Variants in DNAJA2 observed in about 807,000 individuals in gnomAD.
The protein encoded by DNAJA2 is dnaJ homolog subfamily A member 2.
In DNAJA2, 6 loss-of-function variants were observed where a neutral mutation model predicts 49.3. That is an observed-to-expected ratio of 0.12 (90% CI 0.07 to 0.24). The LOEUF is 0.24. Among genes scored for constraint, DNAJA2 ranks in the 10% least tolerant of loss-of-function variants. The pLI, the probability that DNAJA2 is intolerant of heterozygous loss-of-function variation, is 1.00. For missense variants in DNAJA2, 347 were observed against 516.8 expected (o/e 0.67, Z 3.19); for synonymous variants, 160 against 172.7 (o/e 0.93, Z 0.58).
rs1323101169 is a variant in DNAJA2 at position 46,957,315 on chromosome 16, A to G, written c.1048-95T>C. ...TCCAGTGTCTGTTTAAGAGTTTAAAAAGGGGCTGGGTGTGGTGGTTCATGC... is the reference window on the plus strand; with the variant it reads ...TCCAGTGTCTGTTTAAGAGTTTAAAGAGGGGCTGGGTGTGGTGGTTCATGC... On this transcript the variant is annotated intron_variant, in intron 8 of 8. Transcript: ENST00000317089. 3 of 1,215,990 alleles carry G rather than the reference A, an allele frequency of 2.5e-6. No homozygotes were observed. In the Admixed American group the frequency reaches 6.8e-5, roughly 28 times the overall value. 75.3% of individuals were successfully genotyped at this position (1,215,990 alleles called of 1,614,324 possible).
intron 3 of DNAJA2, among the ~76,000 whole-genome samples, chr16:46,970,730 CAAAAAAAAAAAAA>C (rs10523905): frequency 1.1e-3 from 34 of 32,206 alleles, no homozygotes; most frequent in Admixed American, 6.8e-3. Flanking sequence ...GACTCCATTT[CAAAAAAAAAAAAA>C]AAAAAAAAAA....
rs1158966825 is a variant in DNAJA2 at position 46,971,420 on chromosome 16, G to A, written c.291C>T (p.Phe97=). The change falls in exon 3 of 9, where the codon TTC becomes TTT. Residue 97 remains phenylalanine (F), a synonymous_variant. Coordinates refer to ENST00000317089, the MANE Select transcript of DNAJA2 (RefSeq NM_005880.4). The part of the protein sequence containing the change: ...IFSHIFGGGL[F]GFMGNQSRSR... ...TTCTACTCTGATTGCCCATGAAGCC[G>A]AACAATCCCCCACCAAAAATGTGAG... 7 of 1,613,906 alleles carry A rather than the reference G, an allele frequency of 4.3e-6. No individual in the cohort carries two copies. Among genetic ancestry groups the A allele is most frequent in the East Asian group, 4.5e-5 (2 of 44,882 alleles).
At chr16:46,971,249 T>C (rs1049173037) in intron 3 of DNAJA2, 100 bp downstream of exon 3, 3 of 973,916 alleles carry the variant, frequency 3.1e-6, no homozygotes, top group Admixed American at 6.2e-5. Flanking sequence ...GTTTTTCTAA[T>C]GAAGGACAGA....
intron 6 of DNAJA2, among the ~76,000 whole-genome samples, chr16:46,961,200 C>G (rs748723047): frequency 6.6e-6 from 1 of 151,770 alleles, no homozygotes; most frequent in Middle Eastern, 3.4e-3. Flanking sequence ...GTCATCATGG[C>G]GAAATTCTGT....
At chr16:46,957,997 C>T (rs1961840097) in intron 8 of DNAJA2, among the ~76,000 whole-genome samples, 1 of 152,116 alleles carries the variant, frequency 6.6e-6, no homozygotes, top group African/African-American at 2.4e-5. Context: ...GGAAAGCCTA[C>T]CAATCACACA....
At chr16:46,963,637 T>G (rs946173262) in intron 6 of DNAJA2, among the ~76,000 whole-genome samples, 1 of 151,872 alleles carries the variant, frequency 6.6e-6, no homozygotes, top group South Asian at 2.1e-4. Flanking sequence ...GGGGCGAAGG[T>G]TGCAGTGATC....
chr16:46,964,509 A>G, intron 6 of DNAJA2, 102 bp downstream of exon 6: 1 of 1,111,354 alleles, frequency 9.0e-7, no homozygotes, highest in Admixed American at 2.7e-5. Context: ...ACCAGTGTTC[A>G]GTGTTGCTCC....
intron 7 of DNAJA2, 41 bp downstream of exon 7, chr16:46,959,234 A>G: frequency 1.3e-6 from 2 of 1,581,958 alleles, no homozygotes; most frequent in Non-Finnish European, 1.7e-6. Flanking sequence ...ATTTTTTTCA[A>G]AAATACTTGA....
In DNAJA2 at chr16:46,956,993, G is replaced by T; in HGVS notation, c.*36C>A. The stretch of plus-strand genomic sequence containing the variant: ...GCTGAGAACAAATCAGGCAAATGTG[G>T]AAAGAAAATCCACCTGTGCAATTTG... On this transcript the variant is annotated 3_prime_UTR_variant, in exon 9 of 9. Coordinates refer to ENST00000317089, the MANE Select transcript of DNAJA2 (RefSeq NM_005880.4). 1.2e-6 allele frequency: 2 copies of T among 1,612,044 alleles called. No homozygotes were observed. The highest frequency in any genetic ancestry group is 1.7e-6 in the Non-Finnish European group (2 of 1,178,142).
At chr16:46,961,791 TGAG>T (rs1260376273) in intron 6 of DNAJA2, among the ~76,000 whole-genome samples, 1 of 151,730 alleles carries the variant, frequency 6.6e-6, no homozygotes, top group Non-Finnish European at 1.5e-5. Context: ...ACAAGATTAA[TGAG>T]GAGGGACCAC....
At chr16:46,966,810 C>T (rs576770573) in intron 5 of DNAJA2, among the ~76,000 whole-genome samples, 3 of 152,162 alleles carry the variant, frequency 2.0e-5, no homozygotes, top group Non-Finnish European at 2.9e-5. Context: ...AATAACTAAA[C>T]AACTACTTGT....
At chr16:46,958,303 G>A (rs1596654126) in intron 8 of DNAJA2, among the ~76,000 whole-genome samples, 1 of 152,028 alleles carries the variant, frequency 6.6e-6, no homozygotes, top group Admixed American at 6.6e-5. Flanking sequence ...TGTAATCCCA[G>A]CACTTTGGGA....
At chr16:46,971,744 T>C in intron 2 of DNAJA2, 152 bp downstream of exon 2, 1 of 888,710 alleles carries the variant, frequency 1.1e-6, no homozygotes, top group Non-Finnish European at 1.8e-6. Flanking sequence ...ATGGTAGTAC[T>C]CTTATTCTAA....
At chr16:46,973,461 GC>G in intron 1 of DNAJA2, 33 bp downstream of exon 1, 1 of 1,566,434 alleles carries the variant, frequency 6.4e-7, no homozygotes, top group Non-Finnish European at 8.6e-7. Flanking sequence ...CAGGCCCCGC[GC>G]CCCTCACACC....
At chr16:46,959,582 C>G in intron 6 of DNAJA2, 163 bp from the exon 7 acceptor site, 3 of 595,842 alleles carry the variant, frequency 5.0e-6, no homozygotes, top group Non-Finnish European at 8.6e-6. Context: ...GGAAAGCTAG[C>G]TATTCCCAAG....
Position 46,967,673 on chromosome 16 carries a change from G to C in DNAJA2, c.444-27C>G, listed in dbSNP as rs377753297. The C allele has an allele frequency of 9.9e-6, 16 of 1,613,664 alleles. No individual in the cohort carries two copies. In the African/African-American group the frequency reaches 2.1e-4, roughly 22 times the overall value. On this transcript the variant is annotated intron_variant, in intron 4 of 8. Coordinates refer to ENST00000317089, the MANE Select transcript of DNAJA2 (RefSeq NM_005880.4). ...TAAAGCAAGCACAAGTTATGCATTA[G>C]GTTTTTGTCCACAAACCACTCCAAT...
chr16:46,973,444 G>A (rs1284741542), intron 1 of DNAJA2, 51 bp downstream of exon 1: 1 of 1,528,376 alleles, frequency 6.5e-7, no homozygotes, highest in Non-Finnish European at 8.8e-7. Context: ...AGACATCCCT[G>A]GCCGCGCAGG....
Position 46,960,061 on chromosome 16 carries a change from C to T in DNAJA2, c.775-642G>A, listed in dbSNP as rs1256219823. On this transcript the variant is annotated intron_variant, in intron 6 of 8. Transcript: ENST00000317089. ...TGTGTAGGAAAAATACATCCAACTT[C>T]ACACGCCCAACCTGCAATTTTTGCT... Among the ~76,000 whole-genome samples, 4 of 152,264 alleles carry T rather than the reference C, an allele frequency of 2.6e-5. No individual in the cohort carries two copies. In the East Asian group the frequency reaches 7.7e-4, roughly 29 times the overall value.
At chr16:46,961,231 C>G (rs1961891484) in intron 6 of DNAJA2, among the ~76,000 whole-genome samples, 2 of 151,384 alleles carry the variant, frequency 1.3e-5, no homozygotes, top group African/African-American at 4.9e-5. Flanking sequence ...AATACAAAAA[C>G]TAGCTGGGTG....
Sources: gnomAD v4.1 joint callset for allele counts (sites outside exome capture counted in the v4.1 genomes callset) on GRCh38, gnomAD v4.1.1 for gene constraint, MANE v1.5 for transcripts, NCBI Gene and HGNC (gene_info 2026-07-23, HGNC 2026-07-21) for gene names.